The following PGM5 variants were observed in gnomAD, a reference collection of about 807,000 sequenced individuals.
The protein encoded by PGM5 is phosphoglucomutase 5, also known as phosphoglucomutase-like protein 5.
In PGM5, 23 loss-of-function variants were observed where a neutral mutation model predicts 59.2. That is an observed-to-expected ratio of 0.39 (90% confidence interval 0.28 to 0.55). The LOEUF is 0.55. PGM5 is among the 20% of genes least tolerant of loss of function. PGM5 has a pLI of 0.66. For synonymous variants in PGM5, 214 were observed against 286.0 expected, an observed-to-expected ratio of 0.75 and a Z score of 2.54; for missense variants, 574 against 748.3, an observed-to-expected ratio of 0.77 and a Z score of 2.72.
At chr9:68,424,103 ACG>A (rs1823193903) in intron 6 of PGM5, among the ~76,000 whole-genome samples, 3 of 152,184 alleles carry the variant, frequency 2.0e-5, no homozygotes, top group African/African-American at 7.2e-5. Flanking sequence ...CTCATGATGA[ACG>A]AGGAAGGTAA....
chr9:68,375,726 T>C (rs1377778077), intron 1 of PGM5, among the ~76,000 whole-genome samples: 2 of 152,164 alleles, frequency 1.3e-5, no homozygotes. Flanking sequence ...ATATATGTGA[T>C]CCAGAAAATT....
At chr9:68,408,975 G>A (rs1822872869) in intron 6 of PGM5, among the ~76,000 whole-genome samples, 1 of 152,020 alleles carries the variant, frequency 6.6e-6, no homozygotes, top group Non-Finnish European at 1.5e-5. Context: ...TTTGGTTACT[G>A]TAGGCTTGTA....
chr9:68,437,573 ACACT>A lies in PGM5; in HGVS notation c.1044-27516_1044-27513del, dbSNP rs1330128887. Among the ~76,000 whole-genome samples the A allele has an allele frequency of 1.9e-4, 29 of 149,496 alleles. No individual in the cohort carries two copies. The highest frequency in any genetic ancestry group is 2.9e-4 in the Non-Finnish European group (20 of 67,906). On this transcript the variant is annotated intron_variant, in intron 6 of 10. Transcript: ENST00000396396. The surrounding 1 kb of genome is among the most constrained non-coding windows in gnomAD (Gnocchi z 4.1). Reference sequence around the variant, plus strand: ...GAATCAATTTTTCAAAGGGACACACACACTCACACACACACACACACACACACTC... The same window carrying A: ...GAATCAATTTTTCAAAGGGACACACACACACACACACACACACACACACTC...
chr9:68,464,079 G>A (rs1361639896), intron 6 of PGM5, among the ~76,000 whole-genome samples: 1 of 152,148 alleles, frequency 6.6e-6, no homozygotes, highest in Non-Finnish European at 1.5e-5. Flanking sequence ...AGGATTTATG[G>A]TATTACATTG....
intron 9 of PGM5, among the ~76,000 whole-genome samples, chr9:68,495,508 G>A (rs927040378): frequency 1.3e-5 from 2 of 152,198 alleles, no homozygotes; most frequent in African/African-American, 2.4e-5. Flanking sequence ...TTGAAGGAAT[G>A]TCTCAGGCAG....
chr9:68,458,451 C>A (rs1016655932), intron 6 of PGM5, among the ~76,000 whole-genome samples: 3 of 152,316 alleles, frequency 2.0e-5, no homozygotes, highest in Non-Finnish European at 4.4e-5. Context: ...ATGAGACATG[C>A]AGTTATCTTT....
At chr9:68,400,817 T>A (rs11141314) in intron 6 of PGM5, 1 of 152,546 alleles carries the variant, frequency 6.6e-6, no homozygotes, top group Non-Finnish European at 1.5e-5. Context: ...CAATGTGAGA[T>A]GAAAGGAAGC....
At chr9:68,404,633 A>T (rs1822755823) in intron 6 of PGM5, among the ~76,000 whole-genome samples, 2 of 152,230 alleles carry the variant, frequency 1.3e-5, no homozygotes, top group South Asian at 4.1e-4. Flanking sequence ...GAATCCAGTC[A>T]TCTCATCTCT....
intron 6 of PGM5, among the ~76,000 whole-genome samples, chr9:68,409,917 A>G (rs1227973655): frequency 1.3e-5 from 2 of 151,412 alleles, no homozygotes; most frequent in East Asian, 3.9e-4. Context: ...TGAGTGTGTG[A>G]CTGAGGTGGT....
chr9:68,399,021 T>C (rs1316666023), intron 6 of PGM5: 8 of 152,228 alleles, frequency 5.3e-5, no homozygotes, highest in Non-Finnish European at 1.2e-4. Flanking sequence ...GTATATATTT[T>C]TTGCATATAT....
chr9:68,521,923 C>T (rs1001876495), intron 10 of PGM5, among the ~76,000 whole-genome samples: 3 of 152,172 alleles, frequency 2.0e-5, no homozygotes, highest in Non-Finnish European at 2.9e-5. Flanking sequence ...CCTTCTCCAT[C>T]CACACAGGGC....
At chr9:68,427,204 C>G (rs1244857002) in intron 6 of PGM5, among the ~76,000 whole-genome samples, 1 of 152,146 alleles carries the variant, frequency 6.6e-6, no homozygotes, top group African/African-American at 2.4e-5. Context: ...AGAAGGGGTC[C>G]AAGAGTGGAG....
intron 1 of PGM5, among the ~76,000 whole-genome samples, chr9:68,362,629 T>C (rs1554676346): frequency 2.0e-5 from 3 of 152,112 alleles, no homozygotes; most frequent in Non-Finnish European, 1.5e-5. Context: ...CAGAGCCTCT[T>C]CAGTGGTTTA....
intron 10 of PGM5, among the ~76,000 whole-genome samples, chr9:68,524,254 C>A (rs1824937968): frequency 6.6e-6 from 1 of 151,972 alleles, no homozygotes; most frequent in African/African-American, 2.4e-5. Flanking sequence ...AAATCAATGT[C>A]CAAAAAATTC....
At chr9:68,504,240 G>A (rs1441446561) in intron 10 of PGM5, among the ~76,000 whole-genome samples, 9 of 152,020 alleles carry the variant, frequency 5.9e-5, no homozygotes, top group East Asian at 1.9e-4. Flanking sequence ...CTGATTTCCC[G>A]CCAGCCTCCT....
At chr9:68,381,390 C>T (rs546507877) in intron 2 of PGM5, among the ~76,000 whole-genome samples, 62 of 151,828 alleles carry the variant, frequency 4.1e-4, no homozygotes, top group South Asian at 2.1e-3. Context: ...TAATAAAGGT[C>T]GTTTATAAGA....
At chr9:68,515,865 T>C (rs191464847) in intron 10 of PGM5, among the ~76,000 whole-genome samples, 28 of 152,400 alleles carry the variant, frequency 1.8e-4, no homozygotes, top group African/African-American at 4.1e-4. Flanking sequence ...TCCACTCACC[T>C]GTAGCCTACT....
chr9:68,427,746 T>C lies in PGM5; in HGVS notation c.1043+35273T>C, dbSNP rs566836827. On this transcript the variant is annotated intron_variant, in intron 6 of 10. Transcript: ENST00000396396. ...AGACTCTGGGCTGTCTTGCAACTAG[T>C]TCCTTGGAAGTCTGTGTAATTTACT... Among the ~76,000 whole-genome samples the C allele has an allele frequency of 7.9e-5, 12 of 152,334 alleles. No homozygotes were observed. The South Asian group carries it at 2.1e-3, about 26-fold the overall frequency.
intron 10 of PGM5, among the ~76,000 whole-genome samples, chr9:68,507,081 A>G (rs1223099075): frequency 1.3e-5 from 2 of 152,360 alleles, no homozygotes; most frequent in African/African-American, 4.8e-5. Context: ...CATATATATG[A>G]GGGAAAACAT....
Sources: allele counts gnomAD v4.1 joint callset (sites outside exome capture counted in the v4.1 genomes callset), GRCh38; gene constraint gnomAD v4.1.1; non-coding constraint Gnocchi (gnomAD v3.1); transcripts MANE v1.5; gene names NCBI Gene and HGNC (gene_info 2026-07-23, HGNC 2026-07-21).